The following SNX18 variants were observed in gnomAD, a reference collection of about 807,000 sequenced individuals.
SNX18 encodes sorting nexin-18.
SNX18 carries 35 observed loss-of-function variants against 48.7 expected under a neutral mutation model. That is an observed-to-expected ratio of 0.72 (90% CI 0.55 to 0.95). The LOEUF (loss-of-function observed/expected upper bound fraction) is 0.95, where lower values mean the gene tolerates loss of function less well. Ranked by LOEUF, SNX18 falls within the 40% of genes least tolerant of loss-of-function variation. SNX18 has a pLI of 0.00. For missense variants in SNX18, 824 were observed against 871.0 expected (o/e 0.95, Z 0.68); for synonymous variants, 492 against 384.7 (o/e 1.28, Z -3.26).
chr5:54,606,195 T>C, the SNX18 span, among the ~76,000 whole-genome samples: 46 of 152,348 alleles, frequency 3.0e-4, no homozygotes, highest in African/African-American at 1.1e-3. Flanking sequence ...CATCCATTCA[T>C]ACATCTACTC....
At chr5:54,592,803 T>C in the SNX18 span, among the ~76,000 whole-genome samples, 1 of 152,122 alleles carries the variant, frequency 6.6e-6, no homozygotes, top group South Asian at 2.1e-4. Context: ...AAAATCACAA[T>C]TCTGTTTTTG....
downstream of SNX18, among the ~76,000 whole-genome samples, chr5:54,550,685 G>C (rs1762641054): frequency 6.6e-6 from 1 of 152,174 alleles, no homozygotes; most frequent in African/African-American, 2.4e-5. Flanking sequence ...CCGGGTTCAA[G>C]TGATTCTCAT....
the SNX18 span, among the ~76,000 whole-genome samples, chr5:54,620,930 C>A: frequency 6.6e-6 from 1 of 152,172 alleles, no homozygotes; most frequent in African/African-American, 2.4e-5. Context: ...TCCTCTTTTA[C>A]CTCATTTAAC....
chr5:54,519,699 G>A (rs773334865), intron 1 of SNX18, 126 bp downstream of exon 1: 3 of 1,614,222 alleles, frequency 1.9e-6, no homozygotes, highest in East Asian at 2.2e-5. Flanking sequence ...GAGCAGAGAC[G>A]TGGACGCCTG....
chr5:54,522,454 A>G (rs1227992924), intron 1 of SNX18, among the ~76,000 whole-genome samples: 4 of 152,226 alleles, frequency 2.6e-5, no homozygotes, highest in East Asian at 1.9e-4. Flanking sequence ...TATCAACCCC[A>G]TCGTAAGTTT....
At chr5:54,577,307 A>G in the SNX18 span, among the ~76,000 whole-genome samples, 1 of 151,788 alleles carries the variant, frequency 6.6e-6, no homozygotes, top group South Asian at 2.1e-4. Context: ...AGGAACATAG[A>G]TGTTTCATAA....
the SNX18 span, chr5:54,644,809 T>C: frequency 1.2e-4 from 19 of 152,226 alleles, no homozygotes; most frequent in Non-Finnish European, 2.1e-4. Flanking sequence ...AGCAGAAAGA[T>C]AGAAGAGCCT....
chr5:54,586,038 A>G, the SNX18 span, among the ~76,000 whole-genome samples: 1 of 152,056 alleles, frequency 6.6e-6, no homozygotes, highest in Non-Finnish European at 1.5e-5. Flanking sequence ...TTCCCCAGCA[A>G]CACTGTCAGT....
the SNX18 span, among the ~76,000 whole-genome samples, chr5:54,600,319 C>T: frequency 6.6e-6 from 1 of 152,190 alleles, no homozygotes; most frequent in East Asian, 1.9e-4. Flanking sequence ...ATTAAAAAGT[C>T]AAGAAACAAC....
the SNX18 span, among the ~76,000 whole-genome samples, chr5:54,615,418 CCTA>C: frequency 0.053 from 8,022 of 152,202 alleles, 281 homozygotes; most frequent in Non-Finnish European, 0.082. Context: ...CTCATGCATT[CCTA>C]CTCTCTTTTA....
the SNX18 span, among the ~76,000 whole-genome samples, chr5:54,589,413 C>T: frequency 6.6e-6 from 1 of 152,178 alleles, no homozygotes; most frequent in East Asian, 1.9e-4. Flanking sequence ...CCCCTCACCA[C>T]ACATATGCCT....
the SNX18 span, among the ~76,000 whole-genome samples, chr5:54,575,560 C>A: frequency 6.6e-6 from 1 of 151,740 alleles, no homozygotes; most frequent in Non-Finnish European, 1.5e-5. Context: ...TTAGTAGAGA[C>A]GACTACTCTT....
At chr5:54,627,060 T>A in the SNX18 span, among the ~76,000 whole-genome samples, 1 of 152,224 alleles carries the variant, frequency 6.6e-6, no homozygotes, top group African/African-American at 2.4e-5. Flanking sequence ...GTCTGTTGTG[T>A]TCTCATAGAG....
the SNX18 span, among the ~76,000 whole-genome samples, chr5:54,629,389 A>C: frequency 6.6e-6 from 1 of 152,214 alleles, no homozygotes; most frequent in Non-Finnish European, 1.5e-5. Context: ...CCAACTTTGA[A>C]AGGCAAATAC....
the SNX18 span, among the ~76,000 whole-genome samples, chr5:54,646,951 A>G: frequency 4.9e-4 from 74 of 152,264 alleles, 1 homozygote; most frequent in East Asian, 0.012. Context: ...GGCGGCTCGA[A>G]GCGGTATAAA....
the SNX18 span, among the ~76,000 whole-genome samples, chr5:54,625,164 G>T: frequency 1.3e-5 from 2 of 152,156 alleles, no homozygotes; most frequent in African/African-American, 4.8e-5. Context: ...TGAGGGGAAG[G>T]GGGAAAGAGA....
At chr5:54,569,639 G>T in the SNX18 span, among the ~76,000 whole-genome samples, 13 of 152,216 alleles carry the variant, frequency 8.5e-5, no homozygotes, top group East Asian at 2.5e-3. Context: ...AGCTCACTGG[G>T]TTTGTTGACT....
At chr5:54,578,772 T>C in the SNX18 span, among the ~76,000 whole-genome samples, 73,990 of 151,966 alleles carry the variant, frequency 0.49, 19,317 homozygotes, top group Non-Finnish European at 0.59. Context: ...TTAGGATAAA[T>C]TTCCCTTCAC....
chr5:54,576,636 T>A, the SNX18 span, among the ~76,000 whole-genome samples: 1 of 152,152 alleles, frequency 6.6e-6, no homozygotes, highest in African/African-American at 2.4e-5. Context: ...CATTCTCCTG[T>A]CCTCACCCAC....
Sources: allele counts gnomAD v4.1 joint callset (sites outside exome capture counted in the v4.1 genomes callset), GRCh38; gene constraint gnomAD v4.1.1; transcripts MANE v1.5; gene names NCBI Gene and HGNC (gene_info 2026-07-23, HGNC 2026-07-21).